RPH3A: variants seen among roughly 807,000 people sequenced by gnomAD.
The protein encoded by RPH3A is rabphilin 3A, also known as rabphilin-3A.
In RPH3A, 48 loss-of-function variants were observed where a neutral mutation model predicts 102.2. The observed-to-expected ratio is 0.47, with a 90% CI of 0.37 to 0.60. The LOEUF (loss-of-function observed/expected upper bound fraction) is 0.60. Ranked by LOEUF, RPH3A falls within the 20% of genes least tolerant of loss-of-function variation. The pLI is 0.00. For synonymous variants in RPH3A, 310 were observed against 324.3 expected (o/e 0.96, Z 0.47); for missense variants, 781 against 910.1 (o/e 0.86, Z 1.83).
At chr12:112,608,620 A>G (rs567232519) in intron 1 of RPH3A, among the ~76,000 whole-genome samples, 1 of 152,324 alleles carries the variant, frequency 6.6e-6, no homozygotes, top group East Asian at 1.9e-4. Flanking sequence ...GCCACGACTT[A>G]AGACCTGAGA....
chr12:112,842,043 G>A (rs560876975), intron 4 of RPH3A: 11 of 455,912 alleles, frequency 2.4e-5, no homozygotes, highest in Non-Finnish European at 4.9e-5. Flanking sequence ...GATTTCAAAT[G>A]CCAGTCAGTG....
intron 1 of RPH3A, among the ~76,000 whole-genome samples, chr12:112,712,394 G>A (rs2040468665): frequency 6.6e-6 from 1 of 151,982 alleles, no homozygotes; most frequent in Non-Finnish European, 1.5e-5. Flanking sequence ...TCCAACGTTG[G>A]CAATTTCTTA....
At chr12:112,611,018 T>A (rs1374909786) in intron 1 of RPH3A, among the ~76,000 whole-genome samples, 2 of 152,244 alleles carry the variant, frequency 1.3e-5, no homozygotes, top group Non-Finnish European at 2.9e-5. Context: ...GGACAAAGAT[T>A]TCGTCATCTT....
At position 112,802,453 on chromosome 12, in the gene RPH3A, AG is replaced by A. The variant is rs370466536; in HGVS notation, c.-19+10191del. On this transcript the variant is annotated intron_variant, in intron 2 of 21. Coordinates refer to ENST00000389385, the MANE Select transcript of RPH3A (RefSeq NM_001143854.2). The stretch of plus-strand genomic sequence containing the variant: ...TGCCTAGTGTGCTTTGTGTGATTAA[AG>A]TTTTTTTAAACAGTCCCCTGGGTGG... Among the ~76,000 whole-genome samples the A allele has an allele frequency of 3.0e-3, 450 of 152,266 alleles. 2 individuals are homozygous for A. The highest frequency in any genetic ancestry group is 0.01 in the African/African-American group (434 of 41,548).
chr12:112,837,105 C>T (rs1416972161), intron 4 of RPH3A, among the ~76,000 whole-genome samples: 1 of 152,150 alleles, frequency 6.6e-6, no homozygotes, highest in East Asian at 1.9e-4. Context: ...CAAAGCAGCC[C>T]CATCTTCAGT....
intron 1 of RPH3A, among the ~76,000 whole-genome samples, chr12:112,732,086 T>C (rs1565864033): frequency 6.6e-6 from 1 of 152,242 alleles, no homozygotes; most frequent in Non-Finnish European, 1.5e-5. Flanking sequence ...ACCTTTCTGA[T>C]GATCTAATCG....
In RPH3A at chr12:112,896,712, A is replaced by C. The variant is rs1398980615; in HGVS notation, c.2017A>C (p.Lys673Gln). The C allele has an allele frequency of 1.2e-6, 2 of 1,614,028 alleles. No homozygotes were observed. The highest frequency in any genetic ancestry group is 1.7e-6 in the Non-Finnish European group (2 of 1,180,024). The change falls in exon 22 of 22, where the codon AAA becomes CAA. Residue 673 changes from lysine (K) to glutamine (Q), a missense_variant. Around this residue, in one of 2 missense-constraint regions of RPH3A, gnomAD observed 51 missense variants for 100.1 expected, o/e 0.51. Transcript: ENST00000389385. Reference protein sequence around the residue: ...ERLKHWYECLKNKDKKIERWH... With the variant: ...ERLKHWYECLQNKDKKIERWH... Reference sequence around the variant, plus strand: ...CTTAAAACACTGGTACGAGTGTCTGAAAAATAAAGACAAGAAGATAGAGCG... The same window carrying C: ...CTTAAAACACTGGTACGAGTGTCTGCAAAATAAAGACAAGAAGATAGAGCG...
At chr12:112,735,750 A>G (rs2040664596) in intron 1 of RPH3A, among the ~76,000 whole-genome samples, 1 of 151,336 alleles carries the variant, frequency 6.6e-6, no homozygotes, top group Non-Finnish European at 1.5e-5. Context: ...GGTCTTCCCC[A>G]CCTCCCCCCA....
chr12:112,626,678 A>G (rs1252888549), intron 1 of RPH3A, among the ~76,000 whole-genome samples: 2 of 127,008 alleles, frequency 1.6e-5, no homozygotes, highest in Admixed American at 8.3e-5. Flanking sequence ...AGAACTAGAA[A>G]TACCATTTGA....
intron 1 of RPH3A, among the ~76,000 whole-genome samples, chr12:112,765,817 T>C (rs113019733): frequency 9.1e-4 from 139 of 152,230 alleles, no homozygotes; most frequent in African/African-American, 3.2e-3. Context: ...ATTATGGAAA[T>C]TGATTTAGCT....
At chr12:112,780,013 G>A (rs11612218) in intron 1 of RPH3A, among the ~76,000 whole-genome samples, 3,642 of 152,274 alleles carry the variant, frequency 0.024, 58 homozygotes, top group Middle Eastern at 0.031. Flanking sequence ...TGGGAGATTG[G>A]CCTGGAACAG....
chr12:112,866,265 T>C (rs766354527), intron 6 of RPH3A, among the ~76,000 whole-genome samples: 4 of 152,208 alleles, frequency 2.6e-5, no homozygotes, highest in Non-Finnish European at 5.9e-5. Flanking sequence ...TTGTGACCCA[T>C]TAAGTTTTCC....
chr12:112,844,263 C>T (rs370233825), intron 4 of RPH3A, among the ~76,000 whole-genome samples: 1 of 152,138 alleles, frequency 6.6e-6, no homozygotes, highest in Non-Finnish European at 1.5e-5. Flanking sequence ...TCTCGGGTGA[C>T]AAGAGCTAGA....
chr12:112,652,712 A>G (rs567830265), intron 1 of RPH3A, among the ~76,000 whole-genome samples: 1 of 152,274 alleles, frequency 6.6e-6, no homozygotes, highest in South Asian at 2.1e-4. Context: ...TCATTAATTC[A>G]TTTTCAACAA....
chr12:112,637,129 T>C (rs989468289), intron 1 of RPH3A, among the ~76,000 whole-genome samples: 1 of 152,182 alleles, frequency 6.6e-6, no homozygotes, highest in Non-Finnish European at 1.5e-5. Context: ...CAAACATATA[T>C]AACCGTTCAT....
intron 1 of RPH3A, among the ~76,000 whole-genome samples, chr12:112,726,111 TG>T (rs941897871): frequency 3.8e-4 from 43 of 112,642 alleles, no homozygotes; most frequent in South Asian, 3.3e-4. Flanking sequence ...TTCGGGGGGG[TG>T]GGGGGTGTAC....
Position 112,883,390 on chromosome 12 carries a change from G to A in RPH3A, c.1424G>A (p.Arg475Lys), listed in dbSNP as rs771858502. The A allele has an allele frequency of 9.3e-6, 15 of 1,613,592 alleles. No homozygotes were observed. The highest frequency in any genetic ancestry group is 1.2e-5 in the Non-Finnish European group (14 of 1,179,670). ...YHGITDEDMQ[R>K]KTLRISVCDE... ...GGCATCACCGATGAGGACATGCAAA[G>A]GAAGACCCTCAGGTACCTGGCAGGC... Residue 475 changes from arginine to lysine, a missense_variant, in exon 16 of 22, where the codon AGG (arginine) becomes AAG (lysine). This residue lies in a region of RPH3A where 730 missense variants were observed against 810.0 expected (regional missense o/e 0.90). Coordinates refer to ENST00000389385, the MANE Select transcript of RPH3A (RefSeq NM_001143854.2).
chr12:112,827,203 G>C (rs7977316), intron 2 of RPH3A, among the ~76,000 whole-genome samples: 10 of 152,126 alleles, frequency 6.6e-5, no homozygotes, highest in Non-Finnish European at 1.3e-4. Flanking sequence ...ACAAAGAAAC[G>C]CTGCACCCCA....
chr12:112,630,992 C>T lies in RPH3A; in HGVS notation c.-140+55673C>T, dbSNP rs1469899966. Among the ~76,000 whole-genome samples, 3 of 152,128 alleles carry T rather than the reference C, an allele frequency of 2.0e-5. No individual in the cohort carries two copies. In the East Asian group the frequency reaches 5.8e-4, roughly 29 times the overall value. On this transcript the variant is annotated intron_variant, in intron 1 of 21. Coordinates refer to the RPH3A transcript ENST00000543106. ...TGGGCAGGTGTGAGGATCAGATGGG[C>T]AGGTTGGGGATGAGGAGAAAATATT...
Sources: gnomAD v4.1 joint callset for allele counts (sites outside exome capture counted in the v4.1 genomes callset) on GRCh38, gnomAD v4.1.1 for gene constraint, gnomAD v4.1.1 regional missense constraint, MANE v1.5 for transcripts, NCBI Gene and HGNC (gene_info 2026-07-23, HGNC 2026-07-21) for gene names.